The following TRAF3IP2 variants were observed in gnomAD, a reference collection of about 807,000 sequenced individuals.
TRAF3IP2 encodes the protein E3 ubiquitin ligase TRAF3IP2.
In TRAF3IP2, 35 loss-of-function variants were observed where a neutral mutation model predicts 57.9. The ratio of observed to expected loss-of-function variants is 0.60; its 90% CI spans 0.46 to 0.80. The LOEUF (loss-of-function observed/expected upper bound fraction) is 0.80. Ranked by LOEUF, TRAF3IP2 falls within the 30% of genes least tolerant of loss-of-function variation. The pLI, the probability that TRAF3IP2 is intolerant of heterozygous loss-of-function variation, is 0.00. For synonymous variants in TRAF3IP2, 251 were observed against 268.9 expected, an observed-to-expected ratio of 0.93 and a Z score of 0.65; for missense variants, 556 against 706.4, an observed-to-expected ratio of 0.79 and a Z score of 2.41.
chr6:111,562,887 G>A (rs1341312373), intron 8 of TRAF3IP2, 78 bp downstream of exon 8: 2 of 1,078,652 alleles, frequency 1.9e-6, no homozygotes, highest in Non-Finnish European at 2.7e-6. Flanking sequence ...GAATGGACAA[G>A]GTTTTCCATT....
chr6:111,583,889 T>G (rs1015048948), intron 2 of TRAF3IP2, among the ~76,000 whole-genome samples: 2 of 152,118 alleles, frequency 1.3e-5, no homozygotes, highest in Non-Finnish European at 2.9e-5. Flanking sequence ...TTTGGTTTAA[T>G]CGGTGTCTCC....
chr6:111,559,537 G>A lies in TRAF3IP2; in HGVS notation c.1566C>T (p.Thr522=). Residue 522 remains threonine (T), a synonymous_variant, in exon 9 of 9, where the codon ACC becomes ACT. Coordinates refer to ENST00000368761, the MANE Select transcript of TRAF3IP2 (RefSeq NM_147686.4). ...FPNAKKEHVP[T]WLQNTHVYSW... ...TGTAGACATGAGTGTTCTGAAGCCA[G>A]GTGGGCACATGCTCCTATGGGAGGC... 1.9e-6 allele frequency: 3 copies of A among 1,614,126 alleles called. No homozygotes were observed. Among genetic ancestry groups the A allele is most frequent in the Non-Finnish European group, 1.7e-6 (2 of 1,180,014 alleles).
intron 3 of TRAF3IP2, among the ~76,000 whole-genome samples, chr6:111,579,116 G>T (rs1458464934): frequency 6.6e-6 from 1 of 150,758 alleles, no homozygotes; most frequent in Non-Finnish European, 1.5e-5. Flanking sequence ...AGATCACAAG[G>T]TCATGAGTTC....
At chr6:111,572,504 A>T (rs1317680389) in intron 5 of TRAF3IP2, among the ~76,000 whole-genome samples, 1 of 152,256 alleles carries the variant, frequency 6.6e-6, no homozygotes, top group Non-Finnish European at 1.5e-5. Context: ...GCAGGTGACC[A>T]TGGTGAAGCC....
intron 5 of TRAF3IP2, 125 bp downstream of exon 5, chr6:111,572,770 A>T (rs1468167439): frequency 1.2e-5 from 9 of 766,822 alleles, no homozygotes; most frequent in Non-Finnish European, 2.0e-5. Flanking sequence ...CATTCAATGC[A>T]TAATCACATA....
At chr6:111,559,703 G>A in intron 8 of TRAF3IP2, 152 bp from the exon 9 acceptor site, 1 of 891,668 alleles carries the variant, frequency 1.1e-6, no homozygotes, top group Non-Finnish European at 1.7e-6. Flanking sequence ...TTTTGGAAAG[G>A]TTTAGCATGT....
intron 1 of TRAF3IP2, among the ~76,000 whole-genome samples, chr6:111,603,160 C>G (rs1272776936): frequency 6.6e-6 from 1 of 152,138 alleles, no homozygotes; most frequent in Non-Finnish European, 1.5e-5. Context: ...CACAGCCAAG[C>G]ACATGTGTGC....
chr6:111,576,144 C>T (rs2128375930), intron 3 of TRAF3IP2, among the ~76,000 whole-genome samples: 1 of 152,270 alleles, frequency 6.6e-6, no homozygotes, highest in African/African-American at 2.4e-5. Flanking sequence ...AGTAGTATGA[C>T]AGGTGACACA....
chr6:111,559,764 C>A (rs756441225), intron 8 of TRAF3IP2, among the ~76,000 whole-genome samples: 2 of 152,236 alleles, frequency 1.3e-5, no homozygotes, highest in Admixed American at 1.3e-4. Flanking sequence ...ATAAAAACCA[C>A]ATGTGCACAG....
At chr6:111,580,416 A>T in intron 2 of TRAF3IP2, 27 bp from the exon 3 acceptor site, 1 of 1,519,326 alleles carries the variant, frequency 6.6e-7, no homozygotes, top group Non-Finnish European at 8.8e-7. Context: ...CAAAGACAAC[A>T]GGGAACATCA....
At chr6:111,566,121 G>T (rs1795627685) in intron 7 of TRAF3IP2, among the ~76,000 whole-genome samples, 1 of 152,144 alleles carries the variant, frequency 6.6e-6, no homozygotes, top group South Asian at 2.1e-4. Flanking sequence ...CCCGTCTCCT[G>T]CCTCCTAGGA....
chr6:111,571,078 C>CTTTT (rs1279272695), intron 5 of TRAF3IP2, among the ~76,000 whole-genome samples: 1 of 130,754 alleles, frequency 7.6e-6, no homozygotes, highest in Non-Finnish European at 1.7e-5. Flanking sequence ...ACTTTTTTTT[C>CTTTT]TTTTTTTTTT....
intron 5 of TRAF3IP2, 116 bp from the exon 6 acceptor site, chr6:111,567,808 T>C: frequency 1.3e-6 from 1 of 748,850 alleles, no homozygotes; most frequent in Non-Finnish European, 2.0e-6. Context: ...CTAATGCTTT[T>C]TGCAAGAAGG....
At position 111,556,207 on chromosome 6, in the gene TRAF3IP2, TGTGTGC is replaced by T. The variant is rs1795236131; in HGVS notation, c.*3192_*3197del. Among the ~76,000 whole-genome samples the T allele has an allele frequency of 6.6e-6, 1 of 151,904 alleles. No individual in the cohort carries two copies. The highest frequency in any genetic ancestry group is 2.1e-4 in the South Asian group (1 of 4,816). On this transcript the variant is annotated 3_prime_UTR_variant, in exon 9 of 9. Coordinates refer to ENST00000368761, the MANE Select transcript of TRAF3IP2 (RefSeq NM_147686.4). ...TTGGCCAAGTGCGTGTGTGTGTGTA[TGTGTGC>T]GTGTGTGTGTGTGTGTCTGTGTGTA...
chr6:111,592,683 G>C (rs1796559176), intron 1 of TRAF3IP2, among the ~76,000 whole-genome samples: 1 of 152,096 alleles, frequency 6.6e-6, no homozygotes, highest in Non-Finnish European at 1.5e-5. Flanking sequence ...AGAGGAGTGG[G>C]AGGAAGTTTT....
Position 111,557,199 on chromosome 6 carries a change from A to C in TRAF3IP2, c.*2206T>G, listed in dbSNP as rs948189839. 1.1e-4 allele frequency: 17 copies of C among 152,196 alleles called. No homozygotes were observed. Among genetic ancestry groups the C allele is most frequent in the African/African-American group, 3.6e-4 (15 of 41,542 alleles). 9.4% of individuals were successfully genotyped at this position (152,196 alleles called of 1,614,324 possible). On this transcript the variant is annotated 3_prime_UTR_variant, in exon 9 of 9. Transcript: ENST00000368761. ...TGAGCCTTGTTTAAGAGGCTAGTAG[A>C]TAAAGAAGGGAAGCAGTAGCTTGCA...
chr6:111,595,755 G>A (rs1045100359), intron 1 of TRAF3IP2, among the ~76,000 whole-genome samples: 3 of 151,874 alleles, frequency 2.0e-5, no homozygotes, highest in African/African-American at 7.3e-5. Context: ...TTGAACCCGG[G>A]AGGCGGAGGT....
intron 3 of TRAF3IP2, chr6:111,576,567 T>C (rs1004813716): frequency 6.6e-6 from 1 of 152,326 alleles, no homozygotes; most frequent in Non-Finnish European, 1.5e-5. Context: ...TGGGCATCTA[T>C]TGTTCACCAG....
intron 1 of TRAF3IP2, among the ~76,000 whole-genome samples, chr6:111,597,162 C>CT (rs1264653613): frequency 5.9e-5 from 9 of 151,466 alleles, no homozygotes; most frequent in Non-Finnish European, 7.4e-5. Context: ...CTTCCCTCTT[C>CT]TTTTTTTTTC....
Sources: allele counts gnomAD v4.1 joint callset (sites outside exome capture counted in the v4.1 genomes callset), GRCh38; gene constraint gnomAD v4.1.1; transcripts MANE v1.5; gene names NCBI Gene and HGNC (gene_info 2026-07-23, HGNC 2026-07-21).